The following SND1 variants were observed in gnomAD, a reference collection of about 807,000 sequenced individuals.
The protein encoded by SND1 is staphylococcal nuclease domain-containing protein 1.
A neutral mutation model predicts 121.7 loss-of-function variants in SND1; 38 were observed. The ratio of observed to expected loss-of-function variants is 0.31; its 90% confidence interval spans 0.24 to 0.41. SND1 has a LOEUF of 0.41. SND1 is among the 10% of genes least tolerant of loss of function. The pLI is 1.00. For synonymous variants in SND1, 401 were observed against 447.4 expected, an observed-to-expected ratio of 0.90 and a Z score of 1.31; for missense variants, 868 against 1,184.6, an observed-to-expected ratio of 0.73 and a Z score of 3.92.
chr7:127,907,639 C>A (rs1388357342), intron 14 of SND1, among the ~76,000 whole-genome samples: 1 of 152,122 alleles, frequency 6.6e-6, no homozygotes, highest in Non-Finnish European at 1.5e-5. Context: ...CCTCTCCATC[C>A]CAGTACACAT....
chr7:127,807,333 T>C, intron 10 of SND1, 151 bp from the exon 11 acceptor site: 1 of 599,326 alleles, frequency 1.7e-6, no homozygotes, highest in Non-Finnish European at 2.9e-6. Context: ...TTCAACCAAA[T>C]ACTTTTAATC....
chr7:127,782,824 C>A (rs185241714), intron 10 of SND1, among the ~76,000 whole-genome samples: 183 of 152,254 alleles, frequency 1.2e-3, no homozygotes, highest in Non-Finnish European at 1.4e-3. Flanking sequence ...TGACCTTTTC[C>A]AGTGGCCTGG....
intron 9 of SND1, chr7:127,718,838 C>A (rs576979070): frequency 1.4e-6 from 1 of 704,136 alleles, no homozygotes; most frequent in Non-Finnish European, 1.7e-6. Context: ...AGATATTTCT[C>A]GTGTCTTGAT....
intron 15 of SND1, among the ~76,000 whole-genome samples, chr7:127,974,530 T>C (rs1802069830): frequency 6.6e-6 from 1 of 152,184 alleles, no homozygotes; most frequent in African/African-American, 2.4e-5. Flanking sequence ...GATACAGAAA[T>C]GAGCCCACTT....
At chr7:127,927,613 C>G (rs74968620) in intron 14 of SND1, among the ~76,000 whole-genome samples, 1 of 152,140 alleles carries the variant, frequency 6.6e-6, no homozygotes, top group Admixed American at 6.5e-5. Flanking sequence ...CCTTTTACCA[C>G]TGTACTGTTA....
chr7:127,849,898 G>C (rs2116658182), intron 12 of SND1, among the ~76,000 whole-genome samples: 1 of 152,264 alleles, frequency 6.6e-6, no homozygotes, highest in East Asian at 1.9e-4. Flanking sequence ...CAAGTTCTGT[G>C]GGGGCTCGGG....
intron 10 of SND1, among the ~76,000 whole-genome samples, chr7:127,766,638 G>GCA (rs1797420630): frequency 6.6e-6 from 1 of 151,562 alleles, no homozygotes; most frequent in Admixed American, 6.6e-5. Context: ...AGCCGGGCGT[G>GCA]GTGGCGGGCA....
chr7:127,882,908 G>A (rs1035229645), intron 12 of SND1, among the ~76,000 whole-genome samples: 3 of 151,986 alleles, frequency 2.0e-5, no homozygotes, highest in African/African-American at 7.2e-5. Context: ...ATTCACAATC[G>A]GCATATAAAA....
chr7:127,896,623 A>G (rs748802846), intron 13 of SND1, among the ~76,000 whole-genome samples: 2 of 152,124 alleles, frequency 1.3e-5, no homozygotes, highest in African/African-American at 2.4e-5. Flanking sequence ...TGATCATTTA[A>G]TCTTCATTGT....
chr7:127,894,187 C>T (rs1800071232), intron 13 of SND1, among the ~76,000 whole-genome samples: 2 of 152,142 alleles, frequency 1.3e-5, no homozygotes, highest in African/African-American at 2.4e-5. Context: ...CCACAGTGGG[C>T]TTTCTAAGTT....
intron 13 of SND1, among the ~76,000 whole-genome samples, chr7:127,897,269 G>A (rs1395537290): frequency 6.6e-6 from 1 of 152,102 alleles, no homozygotes; most frequent in Admixed American, 6.6e-5. Context: ...TTTCCAGTAA[G>A]TCAGAATAAA....
chr7:127,828,873 A>G (rs1798689459), intron 11 of SND1, among the ~76,000 whole-genome samples: 1 of 152,172 alleles, frequency 6.6e-6, no homozygotes, highest in Non-Finnish European at 1.5e-5. Flanking sequence ...TAAATCATGG[A>G]GCAGAGCTCC....
chr7:128,048,852 A>G (rs1447858000), intron 16 of SND1, among the ~76,000 whole-genome samples: 2 of 152,120 alleles, frequency 1.3e-5, no homozygotes, highest in South Asian at 2.1e-4. Flanking sequence ...TCTCTACCCC[A>G]CTGGCTCTTC....
intron 15 of SND1, among the ~76,000 whole-genome samples, chr7:127,933,276 T>A (rs1800990959): frequency 6.6e-6 from 1 of 152,248 alleles, no homozygotes; most frequent in Non-Finnish European, 1.5e-5. Flanking sequence ...AGTTCCTGTG[T>A]GTATTTGGCA....
At chr7:128,026,574 T>C (rs952538937) in intron 16 of SND1, among the ~76,000 whole-genome samples, 1 of 152,196 alleles carries the variant, frequency 6.6e-6, no homozygotes, top group African/African-American at 2.4e-5. Flanking sequence ...GACAGACACC[T>C]ACCACCAAAA....
At chr7:127,953,990 T>G (rs2116859417) in intron 15 of SND1, among the ~76,000 whole-genome samples, 1 of 152,332 alleles carries the variant, frequency 6.6e-6, no homozygotes, top group East Asian at 1.9e-4. Context: ...TGCATTTAGA[T>G]TTGGGAAATT....
At chr7:127,707,683 A>G in intron 9 of SND1, 36 bp downstream of exon 9, 1 of 1,517,682 alleles carries the variant, frequency 6.6e-7, no homozygotes, top group Non-Finnish European at 9.1e-7. Flanking sequence ...TGCATAGTGG[A>G]CATTGCCAGG....
At chr7:127,771,454 G>T (rs1797511471) in intron 10 of SND1, among the ~76,000 whole-genome samples, 1 of 152,140 alleles carries the variant, frequency 6.6e-6, no homozygotes, top group African/African-American at 2.4e-5. Context: ...CAGGTAGATT[G>T]ATTATGCTTA....
At chr7:127,911,172 G>C (rs766604888) in intron 14 of SND1, among the ~76,000 whole-genome samples, 2 of 152,134 alleles carry the variant, frequency 1.3e-5, no homozygotes, top group Non-Finnish European at 2.9e-5. Context: ...CTTTCTTCAA[G>C]CAAAGTTTAT....
Sources: allele counts gnomAD v4.1 joint callset (sites outside exome capture counted in the v4.1 genomes callset), GRCh38; gene constraint gnomAD v4.1.1; transcripts MANE v1.5; gene names NCBI Gene and HGNC (gene_info 2026-07-23, HGNC 2026-07-21).